The following FANCC variants were observed in gnomAD, a reference collection of about 807,000 sequenced individuals.
FANCC encodes the protein FA complementation group C, also known as Fanconi anemia group C protein.
FANCC carries 55 observed loss-of-function variants against 71.3 expected under a neutral mutation model. The ratio of observed to expected loss-of-function variants is 0.77; its 90% CI spans 0.62 to 0.97. The LOEUF (loss-of-function observed/expected upper bound fraction) is 0.97, where lower values mean the gene tolerates loss of function less well. FANCC is among the 50% of genes least tolerant of loss of function. FANCC has a pLI of 0.00. For missense variants in FANCC, 678 were observed against 670.9 expected (o/e 1.01, Z -0.12); for synonymous variants, 275 against 244.9 (o/e 1.12, Z -1.15).
At chr9:95,158,786 G>A (rs924978569) in intron 6 of FANCC, among the ~76,000 whole-genome samples, 11 of 152,184 alleles carry the variant, frequency 7.2e-5, no homozygotes, top group African/African-American at 2.2e-4. Flanking sequence ...GTCTCTGCCC[G>A]AGGGATGTTG....
At position 95,314,916 on chromosome 9, in the gene FANCC, C is replaced by T. The variant is rs555559384; in HGVS notation, c.-79+2610G>A. The stretch of plus-strand genomic sequence containing the variant: ...AAATTAAATGCAATTCCTACAAAGT[C>T]TATCACAGCACGGTTTTCTGAAAAA... On this transcript the variant is annotated intron_variant, in intron 1 of 14. Coordinates refer to ENST00000289081, the MANE Select transcript of FANCC (RefSeq NM_000136.3). 1.5e-4 allele frequency among the ~76,000 whole-genome samples: 23 copies of T among 152,164 alleles called. No individual in the cohort carries two copies. The South Asian group carries it at 4.8e-3, about 32-fold the overall frequency.
At chr9:95,277,462 T>A (rs1188976273) in intron 1 of FANCC, among the ~76,000 whole-genome samples, 1 of 152,160 alleles carries the variant, frequency 6.6e-6, no homozygotes, top group Admixed American at 6.5e-5. Flanking sequence ...TGTTGAAACA[T>A]CACATTGCAC....
chr9:95,304,097 A>G (rs2136380409), intron 1 of FANCC, among the ~76,000 whole-genome samples: 1 of 152,342 alleles, frequency 6.6e-6, no homozygotes, highest in East Asian at 1.9e-4. Flanking sequence ...TGGAATTCTT[A>G]TCTAGACAAA....
At chr9:95,197,691 A>C (rs1442003921) in intron 4 of FANCC, among the ~76,000 whole-genome samples, 1 of 152,082 alleles carries the variant, frequency 6.6e-6, no homozygotes, top group Non-Finnish European at 1.5e-5. Context: ...GTGGCTTGTT[A>C]GTTAAATTGC....
chr9:95,186,588 A>G (rs1395158061), intron 4 of FANCC: 2 of 152,266 alleles, frequency 1.3e-5, no homozygotes, highest in Non-Finnish European at 2.9e-5. Context: ...GAAACAGTCC[A>G]GGAGTTACTG....
chr9:95,141,985 G>GTTTTTTTTTTTTTTTTTTTT (rs1163083695), intron 7 of FANCC, among the ~76,000 whole-genome samples: 1 of 83,136 alleles, frequency 1.2e-5, no homozygotes, highest in Non-Finnish European at 2.1e-5. Context: ...AGTTTGTGGG[G>GTTTTTTTTTTTTTTTTTTTT]TTTTTTTTTT....
intron 4 of FANCC, among the ~76,000 whole-genome samples, chr9:95,200,878 ATATT>A (rs1827764745): frequency 6.6e-6 from 1 of 152,236 alleles, no homozygotes; most frequent in African/African-American, 2.4e-5. Context: ...TAACTTCAAG[ATATT>A]TATTTGAACC....
At chr9:95,116,825 C>A (rs555739296) in intron 11 of FANCC, among the ~76,000 whole-genome samples, 139 of 152,356 alleles carry the variant, frequency 9.1e-4, no homozygotes, top group African/African-American at 3.3e-3. Flanking sequence ...GGATGAAGCA[C>A]CTTACTGAAC....
chr9:95,308,991 G>A (rs1835227266), intron 1 of FANCC, among the ~76,000 whole-genome samples: 3 of 152,102 alleles, frequency 2.0e-5, no homozygotes, highest in Admixed American at 1.3e-4. Context: ...CTGGGGGACC[G>A]AGTGAGATGC....
At chr9:95,190,983 C>CA (rs1183388762) in intron 4 of FANCC, among the ~76,000 whole-genome samples, 1 of 151,072 alleles carries the variant, frequency 6.6e-6, no homozygotes, top group African/African-American at 2.4e-5. Context: ...ACAAAGGTTG[C>CA]ACCCCAAGAG....
intron 1 of FANCC, among the ~76,000 whole-genome samples, chr9:95,284,875 CAT>C (rs886371204): frequency 4.9e-4 from 46 of 94,692 alleles, no homozygotes; most frequent in East Asian, 3.0e-3. Context: ...CACACACACA[CAT>C]ACACACACAC....
At chr9:95,131,069 A>G (rs1826833818) in intron 8 of FANCC, among the ~76,000 whole-genome samples, 1 of 152,190 alleles carries the variant, frequency 6.6e-6, no homozygotes, top group Non-Finnish European at 1.5e-5. Context: ...TTTCTTTTTA[A>G]TCTTTACCAG....
intron 1 of FANCC, among the ~76,000 whole-genome samples, chr9:95,252,228 G>T (rs1831374079): frequency 8.2e-6 from 1 of 121,386 alleles, no homozygotes; most frequent in Non-Finnish European, 1.6e-5. Context: ...AGTGAGCCGA[G>T]ACCGCACCAT....
chr9:95,106,667 C>G (rs142871507), intron 14 of FANCC, among the ~76,000 whole-genome samples: 2 of 152,310 alleles, frequency 1.3e-5, no homozygotes, highest in African/African-American at 4.8e-5. Flanking sequence ...ATTCTTTGCA[C>G]TGTTGCAGTG....
intron 1 of FANCC, among the ~76,000 whole-genome samples, chr9:95,286,866 CT>C (rs1432221709): frequency 1.3e-5 from 2 of 152,134 alleles, no homozygotes; most frequent in Admixed American, 6.6e-5. Context: ...ATGAACATAT[CT>C]TTATAAATCA....
intron 1 of FANCC, among the ~76,000 whole-genome samples, chr9:95,284,254 C>A (rs1251447752): frequency 6.6e-6 from 1 of 152,150 alleles, no homozygotes; most frequent in Non-Finnish European, 1.5e-5. Context: ...AGCCTGAAAG[C>A]CCCAAAGTTG....
At chr9:95,144,566 C>T (rs1386203408) in intron 7 of FANCC, among the ~76,000 whole-genome samples, 1 of 152,096 alleles carries the variant, frequency 6.6e-6, no homozygotes, top group African/African-American at 2.4e-5. Context: ...CACAGAAGAC[C>T]AGGAGTATTC....
At chr9:95,183,342 C>T (rs984896395) in intron 4 of FANCC, among the ~76,000 whole-genome samples, 1 of 152,168 alleles carries the variant, frequency 6.6e-6, no homozygotes, top group African/African-American at 2.4e-5. Context: ...AGCATGCAGG[C>T]GCTCCACGGC....
At chr9:95,192,228 G>A (rs1827159008) in intron 4 of FANCC, among the ~76,000 whole-genome samples, 1 of 152,204 alleles carries the variant, frequency 6.6e-6, no homozygotes, top group Admixed American at 6.5e-5. Context: ...CAACGACCAA[G>A]GACATCACCA....
Sources: gnomAD v4.1 joint callset for allele counts (sites outside exome capture counted in the v4.1 genomes callset) on GRCh38, gnomAD v4.1.1 for gene constraint, MANE v1.5 for transcripts, NCBI Gene and HGNC (gene_info 2026-07-23, HGNC 2026-07-21) for gene names.